The following CRY2 variants were observed in gnomAD, a reference collection of about 807,000 sequenced individuals.
The protein encoded by CRY2 is cryptochrome circadian regulator 2.
Under a neutral mutation model 69.5 loss-of-function variants are expected in CRY2, and 31 were observed. That is an observed-to-expected ratio of 0.45 (90% confidence interval 0.34 to 0.60). CRY2 has a LOEUF of 0.60. CRY2 is among the 20% of genes least tolerant of loss of function. CRY2 has a pLI of 0.02. For synonymous variants in CRY2, 303 were observed against 312.2 expected (o/e 0.97, Z 0.31); for missense variants, 606 against 797.8 (o/e 0.76, Z 2.90).
At chr11:45,861,189 C>G in intron 4 of CRY2, 157 bp downstream of exon 4, 2 of 729,556 alleles carry the variant, frequency 2.7e-6, no homozygotes, top group Non-Finnish European at 4.4e-6. Flanking sequence ...CCAGAGGTAA[C>G]CACAATTAAT....
chr11:45,870,885 C>T lies in CRY2; in HGVS notation c.1593C>T (p.His531=). The change falls in exon 10 of 12, where the codon CAC becomes CAT. Residue 531 remains histidine (H), a synonymous_variant. Coordinates refer to ENST00000616080, the MANE Select transcript of CRY2 (RefSeq NM_021117.5). The part of the protein sequence containing the change: ...SVPSCVEDLS[H]PVAEPSSSQA... ...CTTCCTGTGTGGAAGACCTCAGTCA[C>T]CCTGTGGCAGAGCCCAGCTCGAGCC... is the stretch of plus-strand genomic sequence containing the variant. 6.2e-7 allele frequency: 1 copy of T among 1,613,456 alleles called. No individual in the cohort carries two copies. Among genetic ancestry groups the T allele is most frequent in the Non-Finnish European group, 8.5e-7 (1 of 1,180,032 alleles).
intron 11 of CRY2, among the ~76,000 whole-genome samples, chr11:45,874,170 C>T (rs1433661818): frequency 6.6e-6 from 1 of 151,958 alleles, no homozygotes; most frequent in Non-Finnish European, 1.5e-5. Flanking sequence ...ATTCCAGCTA[C>T]TCGGGAGGCT....
At chr11:45,877,994 C>T (rs2086437019) in intron 11 of CRY2, among the ~76,000 whole-genome samples, 1 of 152,190 alleles carries the variant, frequency 6.6e-6, no homozygotes, top group South Asian at 2.1e-4. Context: ...ACTGCCCCCT[C>T]CCTTCATGAG....
intron 5 of CRY2, among the ~76,000 whole-genome samples, chr11:45,863,043 T>C (rs1193672606): frequency 1.3e-5 from 2 of 152,156 alleles, no homozygotes; most frequent in East Asian, 3.8e-4. Flanking sequence ...CCAAGGCAAA[T>C]CTACTTGGGA....
chr11:45,862,157 C>T lies in CRY2; in HGVS notation c.741+9C>T, dbSNP rs781093387. The T allele has an allele frequency of 6.2e-7, 1 of 1,611,228 alleles. No individual in the cohort carries two copies. The highest frequency in any genetic ancestry group is 8.5e-7 in the Non-Finnish European group (1 of 1,178,898). On this transcript the variant is annotated intron_variant, in intron 5 of 11. Coordinates refer to ENST00000616080, the MANE Select transcript of CRY2 (RefSeq NM_021117.5). Reference sequence around the variant, plus strand: ...AGCACTTGGAACGGAAGGTATGGGCCGTTTCTGAGACACAGAGCTGCAGAT... The same window carrying T: ...AGCACTTGGAACGGAAGGTATGGGCTGTTTCTGAGACACAGAGCTGCAGAT...
chr11:45,871,975 G>T, intron 10 of CRY2, 117 bp from the exon 11 acceptor site: 8 of 1,396,442 alleles, frequency 5.7e-6, no homozygotes, highest in Non-Finnish European at 7.8e-6. Flanking sequence ...GGAGCAGCAT[G>T]CTGGCATTCC....
intron 1 of CRY2, 87 bp from the exon 2 acceptor site, chr11:45,855,895 C>A: frequency 1.7e-6 from 2 of 1,181,432 alleles, no homozygotes; most frequent in Non-Finnish European, 1.3e-6. Context: ...TGGGCATAAA[C>A]AGCGAACCAG....
chr11:45,861,258 T>C (rs1477416130), intron 4 of CRY2: 2 of 523,660 alleles, frequency 3.8e-6, no homozygotes, highest in African/African-American at 1.9e-5. Context: ...AATCTTCTGT[T>C]TCTGGTTCTA....
intron 10 of CRY2, among the ~76,000 whole-genome samples, chr11:45,871,425 G>A (rs948528612): frequency 1.3e-5 from 2 of 152,158 alleles, no homozygotes; most frequent in African/African-American, 4.8e-5. Context: ...TGTCCGAGAC[G>A]AGGACTAGGA....
At position 45,883,017 on chromosome 11, in the gene CRY2, T is replaced by G; in HGVS notation, c.*2106T>G. Reference sequence around the variant, plus strand: ...GGCAGGGTAGAGAGGGTATGTCCAGTAGCCTGGAGCTCCATGGTGGCTTCA... The same window carrying G: ...GGCAGGGTAGAGAGGGTATGTCCAGGAGCCTGGAGCTCCATGGTGGCTTCA... On this transcript the variant is annotated 3_prime_UTR_variant, in exon 12 of 12. Transcript: ENST00000616080. 2 of 289,562 alleles carry G rather than the reference T, an allele frequency of 6.9e-6. No homozygotes were observed. Among genetic ancestry groups the G allele is most frequent in the Non-Finnish European group, 6.4e-6 (1 of 156,906 alleles). The allele number at this position is 289,562 out of a possible 1,614,324, so 17.9% of individuals were successfully genotyped here.
At chr11:45,858,117 A>G (rs560946180) in intron 2 of CRY2, among the ~76,000 whole-genome samples, 1 of 152,332 alleles carries the variant, frequency 6.6e-6, no homozygotes, top group South Asian at 2.1e-4. Context: ...TTAGGAAAGA[A>G]CTTCCTCCTT....
chr11:45,847,291 T>G, upstream of CRY2: 1 of 1,495,186 alleles, frequency 6.7e-7, no homozygotes, highest in Non-Finnish European at 9.0e-7. Context: ...GGTAGGAACG[T>G]GAGGGGGCGG....
At chr11:45,864,393 C>T (rs2086313147) in intron 5 of CRY2, among the ~76,000 whole-genome samples, 1 of 152,142 alleles carries the variant, frequency 6.6e-6, no homozygotes, top group South Asian at 2.1e-4. Context: ...GAGGCCAAGG[C>T]AGGAGGATCT....
chr11:45,871,680 C>A (rs2086384816), intron 10 of CRY2, among the ~76,000 whole-genome samples: 1 of 152,192 alleles, frequency 6.6e-6, no homozygotes, highest in African/African-American at 2.4e-5. Context: ...ATGGGAAGAA[C>A]ACGGGTTTTT....
chr11:45,866,450 T>C (rs968824013), intron 5 of CRY2, among the ~76,000 whole-genome samples: 2 of 152,162 alleles, frequency 1.3e-5, no homozygotes, highest in African/African-American at 4.8e-5. Flanking sequence ...CCAGGAGATG[T>C]GGAGTCACAG....
chr11:45,861,871 G>C (rs1239937212), intron 4 of CRY2, 189 bp from the exon 5 acceptor site: 6 of 589,586 alleles, frequency 1.0e-5, no homozygotes, highest in Non-Finnish European at 1.8e-5. Flanking sequence ...GGAAAGCAGA[G>C]AAAATAGTGA....
chr11:45,851,641 T>C (rs1253328465), intron 1 of CRY2, among the ~76,000 whole-genome samples: 1 of 152,154 alleles, frequency 6.6e-6, no homozygotes, highest in Non-Finnish European at 1.5e-5. Context: ...AGAATAAATA[T>C]ATTTTTAAAA....
intron 5 of CRY2, 71 bp downstream of exon 5, chr11:45,862,219 C>A: frequency 7.0e-7 from 1 of 1,433,934 alleles, no homozygotes; most frequent in Non-Finnish European, 9.6e-7. Context: ...AGGTCATGTC[C>A]ATGTCCTTTA....
chr11:45,850,793 A>G (rs540417193), intron 1 of CRY2, among the ~76,000 whole-genome samples: 2 of 152,240 alleles, frequency 1.3e-5, no homozygotes, highest in African/African-American at 4.8e-5. Flanking sequence ...GGAGGGGAGG[A>G]CCCAAAATCT....
Sources: allele counts gnomAD v4.1 joint callset (sites outside exome capture counted in the v4.1 genomes callset), GRCh38; gene constraint gnomAD v4.1.1; transcripts MANE v1.5; gene names NCBI Gene and HGNC (gene_info 2026-07-23, HGNC 2026-07-21).